Variants in VPS54 observed in about 807,000 individuals in gnomAD.
VPS54 encodes vacuolar protein sorting-associated protein 54.
In VPS54, 45 loss-of-function variants were observed where a neutral mutation model predicts 121.5. The ratio of observed to expected loss-of-function variants is 0.37; its 90% CI spans 0.29 to 0.47. VPS54 has a LOEUF of 0.47. VPS54 is among the 20% of genes least tolerant of loss of function. VPS54 has a pLI of 0.99. For missense variants in VPS54, 1,090 were observed against 1,131.4 expected, an observed-to-expected ratio of 0.96 and a Z score of 0.52; for synonymous variants, 371 against 385.8, an observed-to-expected ratio of 0.96 and a Z score of 0.45.
chr2:63,981,869 T>C lies in VPS54; in HGVS notation c.155A>G (p.Tyr52Cys), dbSNP rs761487385. ...KEPTGDSHSL[Y>C]VAPSLVTDQH... Reference sequence around the variant, plus strand: ...ATCTGTAACTAGAGATGGGGCAACATATAAACTATGTGAATCACCTGCAAA... The same window carrying C: ...ATCTGTAACTAGAGATGGGGCAACACATAAACTATGTGAATCACCTGCAAA... Residue 52 changes from tyrosine to cysteine, a missense_variant, in exon 3 of 23, where the codon TAT becomes TGT. Around this residue, in one of 2 missense-constraint regions of VPS54, gnomAD observed 801 missense variants for 757.0 expected, o/e 1.06. Coordinates refer to ENST00000272322, the MANE Select transcript of VPS54 (RefSeq NM_016516.3). 5.0e-6 allele frequency: 8 copies of C among 1,612,202 alleles called. No individual in the cohort carries two copies. Among genetic ancestry groups the C allele is most frequent in the Non-Finnish European group, 6.8e-6 (8 of 1,179,224 alleles).
chr2:63,911,582 G>T (rs1037115904), intron 20 of VPS54, among the ~76,000 whole-genome samples: 1 of 152,216 alleles, frequency 6.6e-6, no homozygotes, highest in Non-Finnish European at 1.5e-5. Context: ...TAGAATATGT[G>T]TTTGGGTAGT....
At chr2:63,949,739 G>A (rs72891067) in intron 7 of VPS54, among the ~76,000 whole-genome samples, 2,161 of 152,174 alleles carry the variant, frequency 0.014, 51 homozygotes, top group African/African-American at 0.05. Flanking sequence ...AGGCAGAAGA[G>A]GCAGGCACAC....
intron 3 of VPS54, 35 bp from the exon 4 acceptor site, chr2:63,972,279 T>G: frequency 6.8e-7 from 1 of 1,468,538 alleles, no homozygotes; most frequent in Non-Finnish European, 9.4e-7. Flanking sequence ...TCAATGTATG[T>G]GTAAACATGA....
intron 14 of VPS54, 45 bp from the exon 15 acceptor site, chr2:63,920,040 A>G: frequency 2.7e-6 from 4 of 1,496,470 alleles, no homozygotes; most frequent in Non-Finnish European, 3.7e-6. Context: ...TAACATTTCA[A>G]TACCATCTTC....
chr2:63,919,605 G>T (rs1673546514), intron 15 of VPS54, among the ~76,000 whole-genome samples: 1 of 152,022 alleles, frequency 6.6e-6, no homozygotes, highest in Non-Finnish European at 1.5e-5. Context: ...GTTACACAAA[G>T]AAACAATAGT....
In VPS54 at chr2:63,997,215, C is replaced by T. The variant is rs115975738; in HGVS notation, c.-20-13196G>A. On this transcript the variant is annotated intron_variant, in intron 1 of 22. Transcript: ENST00000272322. ...TTTGGTATCAGGGTAATACTGCCCT[C>T]GTAGAATGAGTTTTAAAGTATTCCC... Among the ~76,000 whole-genome samples, 1,225 of 152,202 alleles carry T rather than the reference C, an allele frequency of 8.0e-3. 14 individuals carry two copies. The highest frequency in any genetic ancestry group is 0.029 in the African/African-American group (1,189 of 41,518).
chr2:64,018,170 A>T (rs987356050), intron 1 of VPS54, among the ~76,000 whole-genome samples: 1 of 152,232 alleles, frequency 6.6e-6, no homozygotes, highest in African/African-American at 2.4e-5. Flanking sequence ...ACAGCCAATT[A>T]AAAACAAAAA....
chr2:63,909,725 G>GT (rs1553470849), intron 20 of VPS54, among the ~76,000 whole-genome samples: 1,692 of 115,228 alleles, frequency 0.015, 33 homozygotes, highest in African/African-American at 0.039. Context: ...GCCGTTTTTG[G>GT]TTTTTTTTTT....
chr2:63,908,771 A>G (rs1209115155), intron 20 of VPS54, among the ~76,000 whole-genome samples: 1 of 152,232 alleles, frequency 6.6e-6, no homozygotes, highest in Non-Finnish European at 1.5e-5. Context: ...AGCAATCCAC[A>G]TATATTATCT....
chr2:63,919,159 T>C (rs1673521235), intron 15 of VPS54, among the ~76,000 whole-genome samples: 1 of 152,078 alleles, frequency 6.6e-6, no homozygotes, highest in Non-Finnish European at 1.5e-5. Context: ...TGACTCCACC[T>C]GAACTAGGGT....
At chr2:63,919,175 A>T (rs960839139) in intron 15 of VPS54, among the ~76,000 whole-genome samples, 2 of 152,000 alleles carry the variant, frequency 1.3e-5, no homozygotes, top group Admixed American at 6.6e-5. Flanking sequence ...AGGGTACAAA[A>T]ATATTTCCCA....
intron 7 of VPS54, among the ~76,000 whole-genome samples, chr2:63,960,699 C>A (rs1001877627): frequency 2.0e-5 from 3 of 152,122 alleles, no homozygotes; most frequent in African/African-American, 7.2e-5. Context: ...AAATCCATTT[C>A]TCTAAGGCAA....
Position 63,933,780 on chromosome 2 carries a change from A to C in VPS54, c.1632T>G (p.Ser544Arg), listed in dbSNP as rs758976243. The change falls in exon 12 of 23, where the codon AGT (serine) becomes AGG (arginine). Residue 544 changes from serine (S) to arginine (R), a missense_variant. Physicochemically the swap from Ser to Arg is moderately radical, Grantham distance 110 (BLOSUM62 -1). Transcript: ENST00000272322. The stretch of plus-strand genomic sequence containing the variant: ...ATACAGAATCACTGCTGCAGGGCTC[A>C]CTATTTGGAGATGCATTTCTTTGAG... The part of the protein sequence containing the change: ...TTSQRNASPN[S>R]EPCSSDSVSE... 8.1e-6 allele frequency: 13 copies of C among 1,613,762 alleles called. No homozygotes were observed. The highest frequency in any genetic ancestry group is 1.3e-5 in the African/African-American group (1 of 74,890).
chr2:63,991,859 C>A (rs1677336170), intron 1 of VPS54, among the ~76,000 whole-genome samples: 1 of 152,186 alleles, frequency 6.6e-6, no homozygotes, highest in African/African-American at 2.4e-5. Context: ...TGGGTCCCAG[C>A]CTCTTCTTCT....
chr2:63,994,822 T>C (rs1205484247), intron 1 of VPS54, among the ~76,000 whole-genome samples: 2 of 152,214 alleles, frequency 1.3e-5, no homozygotes, highest in Non-Finnish European at 2.9e-5. Context: ...TCACATGCAG[T>C]AATGTTTATA....
Position 63,949,060 on chromosome 2 carries a change from C to T in VPS54, c.1114G>A (p.Asp372Asn). The T allele has an allele frequency of 2.5e-6, 4 of 1,611,228 alleles. No homozygotes were observed. The highest frequency in any genetic ancestry group is 3.4e-6 in the Non-Finnish European group (4 of 1,179,058). ...ACCTCTTCTAAAACTTGACAGTCAT[C>T]TTCCAGTGGTCTATTTAAGTCACTG... ...SHSDLNRPLE[D>N]DCQVLEEERL... The change falls in exon 8 of 23, where the codon GAT (aspartate) becomes AAT (asparagine). Residue 372 changes from aspartate to asparagine, a missense_variant. Asp to Asn is a conservative substitution (Grantham distance 23). Around this residue, in one of 2 missense-constraint regions of VPS54, gnomAD observed 801 missense variants for 757.0 expected, o/e 1.06. Transcript: ENST00000272322.
intron 7 of VPS54, among the ~76,000 whole-genome samples, chr2:63,953,636 A>G (rs1486592347): frequency 6.6e-6 from 1 of 152,194 alleles, no homozygotes; most frequent in East Asian, 1.9e-4. Flanking sequence ...TAAGGTAAAA[A>G]CAGCAAGGTG....
chr2:63,941,051 A>C (rs1453721981), intron 11 of VPS54, among the ~76,000 whole-genome samples: 1 of 152,196 alleles, frequency 6.6e-6, no homozygotes, highest in African/African-American at 2.4e-5. Flanking sequence ...GTCATACACA[A>C]GTACCAAAGT....
chr2:63,943,342 A>G (rs1259528923), intron 10 of VPS54, among the ~76,000 whole-genome samples: 1 of 152,214 alleles, frequency 6.6e-6, no homozygotes, highest in Non-Finnish European at 1.5e-5. Flanking sequence ...AAAAGATACT[A>G]CAACACTTGA....
Sources: gnomAD v4.1 joint callset for allele counts (sites outside exome capture counted in the v4.1 genomes callset) on GRCh38, gnomAD v4.1.1 for gene constraint, gnomAD v4.1.1 regional missense constraint, MANE v1.5 for transcripts, NCBI Gene and HGNC (gene_info 2026-07-23, HGNC 2026-07-21) for gene names.